CDK14: variants seen among roughly 807,000 people sequenced by gnomAD.
CDK14 encodes the protein cyclin dependent kinase 14, also known as cyclin-dependent kinase 14.
Under a neutral mutation model 60.7 loss-of-function variants are expected in CDK14, and 34 were observed. That is an observed-to-expected ratio of 0.56 (90% CI 0.43 to 0.75). The LOEUF (loss-of-function observed/expected upper bound fraction) is 0.75. Ranked by LOEUF, CDK14 falls within the 30% of genes least tolerant of loss-of-function variation. CDK14 has a pLI of 0.00. For missense variants in CDK14, 482 were observed against 564.1 expected (o/e 0.85, Z 1.47); for synonymous variants, 197 against 203.7 (o/e 0.97, Z 0.28).
At chr7:90,793,327 C>A (rs1016550860) in intron 5 of CDK14, among the ~76,000 whole-genome samples, 1 of 152,138 alleles carries the variant, frequency 6.6e-6, no homozygotes, top group Non-Finnish European at 1.5e-5. Flanking sequence ...TATGTGGTAG[C>A]ATATTAATGC....
At chr7:90,859,890 T>C (rs1416644587) in intron 5 of CDK14, among the ~76,000 whole-genome samples, 12 of 152,296 alleles carry the variant, frequency 7.9e-5, no homozygotes, top group Middle Eastern at 3.4e-3. Flanking sequence ...ATTTGATTAA[T>C]AAATGAATTA....
chr7:90,733,278 T>C (rs572347386), intron 3 of CDK14, among the ~76,000 whole-genome samples: 1 of 152,266 alleles, frequency 6.6e-6, no homozygotes, highest in African/African-American at 2.4e-5. Context: ...TTTTAGTGTA[T>C]GTGTGATGTG....
chr7:91,056,507 A>C (rs764114607), intron 11 of CDK14, among the ~76,000 whole-genome samples: 99 of 152,114 alleles, frequency 6.5e-4, no homozygotes, highest in Non-Finnish European at 3.2e-4. Context: ...TGCTGCACCC[A>C]TTAACTCATC....
chr7:90,641,256 T>C (rs1415903126), intron 2 of CDK14, among the ~76,000 whole-genome samples: 3 of 151,998 alleles, frequency 2.0e-5, no homozygotes, highest in African/African-American at 7.3e-5. Flanking sequence ...TATGACATGA[T>C]CCAGTAATTC....
rs146903374 is a variant in CDK14 at position 90,963,086 on chromosome 7, A to AGAGT, written c.947+7270_947+7271insAGTG. Among the ~76,000 whole-genome samples, 1,237 of 142,160 alleles carry AGAGT rather than the reference A, an allele frequency of 8.7e-3. 10 individuals carry two copies. The highest frequency in any genetic ancestry group is 0.02 in the African/African-American group (747 of 37,828). 93.3% of individuals were successfully genotyped at this position (142,160 alleles called of 152,430 possible). A position where few individuals can be genotyped will look rare whatever the true frequency, so the allele number is the denominator to read the frequency against. ...TGGCCCAGGATATTCTCATCTTAAG[A>AGAGT]GTGTGTGTGTGTGTGTGTGTGTGTG... On this transcript the variant is annotated intron_variant, in intron 9 of 14. Coordinates refer to ENST00000380050, the MANE Select transcript of CDK14 (RefSeq NM_001287135.2).
intron 5 of CDK14, among the ~76,000 whole-genome samples, chr7:90,807,474 A>G (rs532942292): frequency 4.6e-5 from 7 of 152,358 alleles, no homozygotes; most frequent in African/African-American, 1.4e-4. Flanking sequence ...GTACGTCATC[A>G]TCATCAAAGA....
intron 8 of CDK14, among the ~76,000 whole-genome samples, chr7:90,940,288 C>G (rs923334181): frequency 7.9e-5 from 12 of 151,994 alleles, no homozygotes; most frequent in African/African-American, 2.7e-4. Context: ...CTAATATGCC[C>G]CCTGTTATTT....
intron 5 of CDK14, among the ~76,000 whole-genome samples, chr7:90,838,450 G>T (rs1584031183): frequency 1.3e-5 from 2 of 152,166 alleles, no homozygotes; most frequent in African/African-American, 4.8e-5. Flanking sequence ...AACAAGGAAA[G>T]ATAACCATAA....
At chr7:90,970,474 T>G (rs1794892361) in intron 9 of CDK14, among the ~76,000 whole-genome samples, 1 of 152,222 alleles carries the variant, frequency 6.6e-6, no homozygotes, top group Non-Finnish European at 1.5e-5. Context: ...TTGCTCTTTT[T>G]TAACCTGACC....
chr7:91,042,315 C>G (rs1352736915), intron 10 of CDK14, among the ~76,000 whole-genome samples: 1 of 152,084 alleles, frequency 6.6e-6, no homozygotes, highest in African/African-American at 2.4e-5. Flanking sequence ...ACTCAGTGTT[C>G]CCTCTCCCAC....
intron 3 of CDK14, among the ~76,000 whole-genome samples, chr7:90,746,545 AATAAG>A (rs1285776032): frequency 6.6e-6 from 1 of 152,210 alleles, no homozygotes; most frequent in African/African-American, 2.4e-5. Context: ...AAATCTCTTT[AATAAG>A]ATATTTTTCA....
chr7:91,131,641 T>A (rs1800121168), intron 14 of CDK14, among the ~76,000 whole-genome samples: 3 of 152,160 alleles, frequency 2.0e-5, no homozygotes, highest in Non-Finnish European at 4.4e-5. Flanking sequence ...AACCCTGAGA[T>A]GTTCCAGCCT....
chr7:90,617,807 G>A (rs1247739673), intron 2 of CDK14, among the ~76,000 whole-genome samples: 3 of 152,184 alleles, frequency 2.0e-5, no homozygotes, highest in African/African-American at 7.2e-5. Flanking sequence ...AATTTGTTTA[G>A]TAAAAATTTC....
At chr7:90,803,105 A>ATT (rs35308838) in intron 5 of CDK14, among the ~76,000 whole-genome samples, 62,963 of 148,684 alleles carry the variant, frequency 0.42, 13,929 homozygotes, top group East Asian at 0.8. Context: ...TGAGTTAACC[A>ATT]TTTTTTTTTT....
intron 6 of CDK14, among the ~76,000 whole-genome samples, chr7:90,870,255 A>G (rs1791326381): frequency 1.3e-5 from 2 of 152,188 alleles, no homozygotes; most frequent in African/African-American, 4.8e-5. Flanking sequence ...AAAACCAAAT[A>G]CTGCATGTTC....
intron 10 of CDK14, among the ~76,000 whole-genome samples, chr7:90,992,584 A>G (rs973148695): frequency 1.3e-5 from 2 of 152,202 alleles, no homozygotes; most frequent in Non-Finnish European, 2.9e-5. Context: ...CATTTTACAT[A>G]CCATGTTCTG....
At chr7:90,812,557 T>G (rs1347335551) in intron 5 of CDK14, among the ~76,000 whole-genome samples, 1 of 152,154 alleles carries the variant, frequency 6.6e-6, no homozygotes, top group East Asian at 1.9e-4. Flanking sequence ...GCATGGCACA[T>G]GTATACATAT....
chr7:90,872,630 C>T (rs1185958396), intron 6 of CDK14, among the ~76,000 whole-genome samples: 1 of 152,156 alleles, frequency 6.6e-6, no homozygotes, highest in South Asian at 2.1e-4. Context: ...TAACTGTCCA[C>T]TATCATGTTG....
intron 14 of CDK14, among the ~76,000 whole-genome samples, chr7:91,140,557 C>T (rs1447681849): frequency 6.6e-6 from 1 of 152,278 alleles, no homozygotes; most frequent in Admixed American, 6.5e-5. Context: ...AGCTCTAACT[C>T]GGGAAGCAAT....
Sources: gnomAD v4.1 joint callset for allele counts (sites outside exome capture counted in the v4.1 genomes callset) on GRCh38, gnomAD v4.1.1 for gene constraint, MANE v1.5 for transcripts, NCBI Gene and HGNC (gene_info 2026-07-23, HGNC 2026-07-21) for gene names.